Variants in IL1RAPL2 observed in about 807,000 individuals in gnomAD.
IL1RAPL2 encodes the protein X-linked interleukin-1 receptor accessory protein-like 2.
A neutral mutation model predicts 44.1 loss-of-function variants in IL1RAPL2; 3 were observed. The observed-to-expected ratio is 0.07, with a 90% confidence interval of 0.03 to 0.18. IL1RAPL2 has a LOEUF of 0.18. IL1RAPL2 is among the 10% of genes least tolerant of loss of function. The pLI is 1.00. For missense variants in IL1RAPL2, 391 were observed against 496.4 expected (o/e 0.79, Z 2.02); for synonymous variants, 181 against 178.8 (o/e 1.01, Z -0.10).
chrX:105,684,324 G>T (rs1184558209), intron 6 of IL1RAPL2, among the ~76,000 whole-genome samples: 1 of 112,592 alleles, frequency 8.9e-6, no homozygotes, highest in Non-Finnish European at 1.9e-5. Context: ...GGACATTCCT[G>T]CCCAAATACT....
intron 1 of IL1RAPL2, among the ~76,000 whole-genome samples, chrX:104,639,402 A>T (rs186281465): frequency 1.8e-5 from 2 of 112,034 alleles, no homozygotes; most frequent in East Asian, 5.6e-4. Context: ...ATTTAACTGG[A>T]AAGCTTCATT....
chrX:105,182,312 T>G (rs2033539825), intron 2 of IL1RAPL2, among the ~76,000 whole-genome samples: 2 of 111,341 alleles, frequency 1.8e-5, no homozygotes, highest in African/African-American at 6.5e-5. Flanking sequence ...ATCTGGGTGC[T>G]CTGGTGTTGG....
At chrX:104,762,853 C>T (rs1932487689) in intron 2 of IL1RAPL2, among the ~76,000 whole-genome samples, 1 of 111,913 alleles carries the variant, frequency 8.9e-6, no homozygotes, top group Admixed American at 9.4e-5. Context: ...AGCAGCAAGG[C>T]CCTGGGCCTA....
intron 5 of IL1RAPL2, among the ~76,000 whole-genome samples, chrX:105,269,316 T>G (rs1207825593): frequency 9.0e-6 from 1 of 110,664 alleles, no homozygotes; most frequent in African/African-American, 3.3e-5. Context: ...TTTAATTTGG[T>G]TTTTGATCCT....
intron 6 of IL1RAPL2, among the ~76,000 whole-genome samples, chrX:105,715,561 CT>C (rs1415644083): frequency 9.0e-6 from 1 of 111,024 alleles, no homozygotes; most frequent in East Asian, 2.8e-4. Context: ...ATTCTCAGGC[CT>C]TAGTGATAAA....
chrX:104,952,402 G>A (rs772122024), intron 2 of IL1RAPL2, among the ~76,000 whole-genome samples: 97 of 111,951 alleles, frequency 8.7e-4, no homozygotes, highest in African/African-American at 3.0e-3. Flanking sequence ...CAGTCTCTGT[G>A]TATTTCTTGA....
In IL1RAPL2 at chrX:105,383,278, C is replaced by T. The variant is rs201252097; in HGVS notation, c.698-101035C>T. Among the ~76,000 whole-genome samples, 23 of 110,874 alleles carry T rather than the reference C, an allele frequency of 2.1e-4. No homozygotes were observed. In the East Asian group the frequency reaches 5.7e-3, roughly 28 times the overall value. On this transcript the variant is annotated intron_variant, in intron 5 of 10. Coordinates refer to ENST00000372582, the MANE Select transcript of IL1RAPL2 (RefSeq NM_017416.2). ...CTCCCCTCCCACTACCCTTCTGAGC[C>T]TCTGGTAACCATCATTCTATTCTCT...
intron 2 of IL1RAPL2, among the ~76,000 whole-genome samples, chrX:105,190,109 G>A (rs2147609669): frequency 9.0e-6 from 1 of 111,603 alleles, no homozygotes; most frequent in South Asian, 3.8e-4. Context: ...GAGAATGAAA[G>A]GAGAAAAATT....
At chrX:105,455,678 A>G (rs1287616309) in intron 5 of IL1RAPL2, among the ~76,000 whole-genome samples, 1 of 111,478 alleles carries the variant, frequency 9.0e-6, no homozygotes, top group Admixed American at 9.6e-5. Flanking sequence ...CCATTGGTCT[A>G]TGTGTCTGTT....
At chrX:105,085,838 T>A (rs922465421) in intron 2 of IL1RAPL2, among the ~76,000 whole-genome samples, 3 of 112,233 alleles carry the variant, frequency 2.7e-5, no homozygotes, top group African/African-American at 9.7e-5. Flanking sequence ...TTTTATGTTA[T>A]ATGTGTTATT....
At chrX:104,713,362 C>T (rs1931495059) in intron 2 of IL1RAPL2, among the ~76,000 whole-genome samples, 1 of 110,567 alleles carries the variant, frequency 9.0e-6, no homozygotes, top group African/African-American at 3.3e-5. Context: ...GATCAGCTTC[C>T]CTAACAAGCC....
intron 1 of IL1RAPL2, among the ~76,000 whole-genome samples, chrX:104,590,401 CATG>C (rs1295590777): frequency 8.9e-6 from 1 of 111,815 alleles, no homozygotes; most frequent in Non-Finnish European, 1.9e-5. Context: ...TATTTTATCA[CATG>C]ATTTTTGATG....
chrX:104,840,237 G>C (rs1441027263), intron 2 of IL1RAPL2, among the ~76,000 whole-genome samples: 1 of 111,917 alleles, frequency 8.9e-6, no homozygotes, highest in African/African-American at 3.3e-5. Context: ...TGCTTTAGCT[G>C]TGTCCCAGAG....
intron 4 of IL1RAPL2, among the ~76,000 whole-genome samples, chrX:105,237,292 T>C (rs2034128933): frequency 8.9e-6 from 1 of 112,100 alleles, no homozygotes; most frequent in African/African-American, 3.2e-5. Context: ...TGAATAGTGC[T>C]GCAATAAACA....
At chrX:104,963,784 CTTT>C (rs974559565) in intron 2 of IL1RAPL2, among the ~76,000 whole-genome samples, 7 of 111,380 alleles carry the variant, frequency 6.3e-5, no homozygotes, top group Admixed American at 1.9e-4. Flanking sequence ...TTTAATCCTT[CTTT>C]AAGAGATTCT....
intron 1 of IL1RAPL2, among the ~76,000 whole-genome samples, chrX:104,601,712 C>G (rs186279600): frequency 8.9e-6 from 1 of 111,831 alleles, no homozygotes; most frequent in African/African-American, 3.3e-5. Context: ...TATTCTATGG[C>G]TATTATTAAG....
intron 2 of IL1RAPL2, among the ~76,000 whole-genome samples, chrX:104,911,710 C>T (rs937887717): frequency 3.6e-5 from 4 of 111,534 alleles, no homozygotes; most frequent in Non-Finnish European, 5.6e-5. Flanking sequence ...CCAAACCTCT[C>T]ACCCTGGTCT....
intron 2 of IL1RAPL2, among the ~76,000 whole-genome samples, chrX:104,732,692 AT>A (rs1457716436): frequency 1.8e-5 from 2 of 111,943 alleles, no homozygotes; most frequent in Admixed American, 9.5e-5. Context: ...AGTTTATCAA[AT>A]TTTCAAAGAA....
intron 2 of IL1RAPL2, among the ~76,000 whole-genome samples, chrX:104,904,753 C>T (rs1923932706): frequency 9.1e-6 from 1 of 109,788 alleles, no homozygotes; most frequent in Non-Finnish European, 1.9e-5. Context: ...AATAATGCTG[C>T]AATAAACATA....
Sources: gnomAD v4.1 joint callset for allele counts (sites outside exome capture counted in the v4.1 genomes callset) on GRCh38, gnomAD v4.1.1 for gene constraint, MANE v1.5 for transcripts, NCBI Gene and HGNC (gene_info 2026-07-23, HGNC 2026-07-21) for gene names.